Variants in ANAPC4 observed in about 807,000 individuals in gnomAD.
The protein encoded by ANAPC4 is anaphase promoting complex subunit 4, also known as anaphase-promoting complex subunit 4.
Under a neutral mutation model 119.8 loss-of-function variants are expected in ANAPC4, and 63 were observed. The ratio of observed to expected loss-of-function variants is 0.53; its 90% CI spans 0.43 to 0.65. ANAPC4 has a LOEUF of 0.65. Ranked by LOEUF, ANAPC4 falls within the 30% of genes least tolerant of loss-of-function variation. ANAPC4 has a pLI of 0.00. For missense variants in ANAPC4, 716 were observed against 945.1 expected (o/e 0.76, Z 3.18); for synonymous variants, 283 against 318.6 (o/e 0.89, Z 1.19).
In ANAPC4 at chr4:25,389,598, G is replaced by A. The variant is rs1043924111; in HGVS notation, c.516-538G>A. Among the ~76,000 whole-genome samples, 4 of 152,146 alleles carry A rather than the reference G, an allele frequency of 2.6e-5. 1 individual carries two copies. The highest frequency in any genetic ancestry group is 3.9e-4 in the East Asian group (2 of 5,192). On this transcript the variant is annotated intron_variant, in intron 7 of 28. Transcript: ENST00000315368. Reference sequence around the variant, plus strand: ...ATGAGCCACCGCACCTGGCCTTATCGTTGACATTAATACCTTCAAACAATA... The same window carrying A: ...ATGAGCCACCGCACCTGGCCTTATCATTGACATTAATACCTTCAAACAATA...
At chr4:25,404,615 T>C (rs902340058) in intron 17 of ANAPC4, among the ~76,000 whole-genome samples, 6 of 152,088 alleles carry the variant, frequency 3.9e-5, no homozygotes, top group Non-Finnish European at 5.9e-5. Flanking sequence ...GGTACTCTTA[T>C]TCAGGATTAG....
intron 4 of ANAPC4, among the ~76,000 whole-genome samples, chr4:25,388,042 T>A (rs900935950): frequency 6.6e-6 from 1 of 152,140 alleles, no homozygotes; most frequent in African/African-American, 2.4e-5. Context: ...GGCAGGATGA[T>A]GGCTTTAGCT....
rs907560423 is a variant in ANAPC4 at position 25,394,300 on chromosome 4, T to C, written c.877-10T>C. 6.3e-7 allele frequency: 1 copy of C among 1,575,170 alleles called. No individual in the cohort carries two copies. Reference sequence around the variant, plus strand: ...ACATATATCACAATTTTTTTTTCACTTTTTTCCAGGAAAAGAACACAACCA... The same window carrying C: ...ACATATATCACAATTTTTTTTTCACCTTTTTCCAGGAAAAGAACACAACCA... On this transcript the variant is annotated splice_polypyrimidine_tract_variant and intron_variant, in intron 11 of 28. Transcript: ENST00000315368.
At chr4:25,385,030 C>T (rs1326599771) in intron 4 of ANAPC4, among the ~76,000 whole-genome samples, 1 of 152,118 alleles carries the variant, frequency 6.6e-6, no homozygotes, top group African/African-American at 2.4e-5. Context: ...AACAGATATG[C>T]TGTCATTTAG....
chr4:25,402,050 G>A (rs1217331611), intron 16 of ANAPC4, among the ~76,000 whole-genome samples: 3 of 152,224 alleles, frequency 2.0e-5, no homozygotes, highest in Non-Finnish European at 4.4e-5. Flanking sequence ...GCATTTTGAT[G>A]TTGGTCTGGT....
Position 25,414,427 on chromosome 4 carries a change from A to G in ANAPC4, c.1686-39A>G, listed in dbSNP as rs776766360. ...ATTGGATGGTGTAATTCCGCAGCCA[A>G]TTTAAATTTTTCTCATTTCTTTTTC... On this transcript the variant is annotated intron_variant, in intron 23 of 28. Transcript: ENST00000315368. 9.4e-6 allele frequency: 15 copies of G among 1,597,560 alleles called. 2 individuals are homozygous for G. The highest frequency in any genetic ancestry group is 7.8e-5 in the South Asian group (7 of 89,240).
chr4:25,409,931 G>C (rs1723471777), intron 21 of ANAPC4, 140 bp downstream of exon 21: 4 of 600,652 alleles, frequency 6.7e-6, no homozygotes, highest in African/African-American at 1.9e-5. Flanking sequence ...TTGATTATAG[G>C]AACAGCAAAA....
In ANAPC4 at chr4:25,402,958, T is replaced by G; in HGVS notation, c.1215-13T>G. On this transcript the variant is annotated splice_polypyrimidine_tract_variant and intron_variant, in intron 16 of 28. Transcript: ENST00000315368. ...CTAATCTTATTTCTGATTTTTTGTT[T>G]TTATCTCTTTAGAGTTATAGATAGT... The G allele has an allele frequency of 6.6e-7, 1 of 1,518,794 alleles. No homozygotes were observed. The highest frequency in any genetic ancestry group is 9.0e-7 in the Non-Finnish European group (1 of 1,108,546). The allele number at this position is 1,518,794 out of a possible 1,614,324, so 94.1% of individuals were successfully genotyped here.
In ANAPC4 at chr4:25,394,327, A is replaced by C. The variant is rs763266816; in HGVS notation, c.894A>C (p.Thr298=). ...TKFVQEKNTT[T]SVQDEFMHLL... ...TTTTCCAGGAAAAGAACACAACCAC[A>C]TCAGTGCAAGATGAGTTCATGCACT... The change falls in exon 12 of 29, where the codon ACA becomes ACC. Residue 298 remains threonine (T), a synonymous_variant. Transcript: ENST00000315368. 1 of 1,586,914 alleles carries C rather than the reference A, an allele frequency of 6.3e-7. No individual in the cohort carries two copies. The highest frequency in any genetic ancestry group is 1.2e-5 in the South Asian group (1 of 84,658).
chr4:25,378,992 G>A (rs1414035307), intron 2 of ANAPC4, among the ~76,000 whole-genome samples: 5 of 152,012 alleles, frequency 3.3e-5, no homozygotes, highest in Non-Finnish European at 7.4e-5. Context: ...GGGAAGTGAA[G>A]GCATGTGTGG....
intron 16 of ANAPC4, among the ~76,000 whole-genome samples, chr4:25,400,842 G>A (rs1226684387): frequency 2.6e-5 from 4 of 152,034 alleles, no homozygotes; most frequent in Non-Finnish European, 5.9e-5. Context: ...GAAGGTGGGG[G>A]CCCTGGAGAG....
At position 25,414,352 on chromosome 4, in the gene ANAPC4, C is replaced by T; in HGVS notation, c.1652C>T (p.Ala551Val). The change falls in exon 23 of 29, where the codon GCA (alanine) becomes GTA (valine). Residue 551 changes from alanine to valine, a missense_variant. Physicochemically the swap from Ala to Val is moderately conservative, Grantham distance 64. Coordinates refer to ENST00000315368, the MANE Select transcript of ANAPC4 (RefSeq NM_013367.3). ...GTAATTGGAAAATCGATGAATCAAG[C>T]AATCTGTATTCCATTGTATAGAGAT... ...ADVIGKSMNQAICIPLYRDTR... is the reference protein window; with the variant it reads ...ADVIGKSMNQVICIPLYRDTR... The T allele has an allele frequency of 6.3e-7, 1 of 1,599,026 alleles. No individual in the cohort carries two copies. The highest frequency in any genetic ancestry group is 1.7e-4 in the Middle Eastern group (1 of 5,954).
At chr4:25,394,987 C>T (rs1025906874) in intron 14 of ANAPC4, 82 bp downstream of exon 14, 1 of 1,079,056 alleles carries the variant, frequency 9.3e-7, no homozygotes. Context: ...TTTTCTTCAT[C>T]TGGCATTCTC....
intron 21 of ANAPC4, among the ~76,000 whole-genome samples, chr4:25,410,810 A>G (rs76257291): frequency 0.034 from 5,212 of 152,304 alleles, 300 homozygotes; most frequent in African/African-American, 0.12. Flanking sequence ...AATATATTGT[A>G]TAAGATGTAC....
chr4:25,394,035 T>A, intron 11 of ANAPC4, 144 bp downstream of exon 11: 1 of 751,612 alleles, frequency 1.3e-6, no homozygotes, highest in Non-Finnish European at 2.1e-6. Flanking sequence ...GACTTCAAAC[T>A]GCTTCCTCAG....
Position 25,414,358 on chromosome 4 carries a change from G to A in ANAPC4, c.1658G>A (p.Cys553Tyr), listed in dbSNP as rs748565993. The A allele has an allele frequency of 1.2e-6, 2 of 1,601,006 alleles. No homozygotes were observed. Among genetic ancestry groups the A allele is most frequent in the Admixed American group, 1.7e-5 (1 of 59,226 alleles). ...GGAAAATCGATGAATCAAGCAATCT[G>A]TATTCCATTGTATAGAGATACCAGA... ...VIGKSMNQAI[C>Y]IPLYRDTRSE... is the part of the protein sequence containing the mutation. The change falls in exon 23 of 29, where the codon TGT becomes TAT. Residue 553 changes from cysteine (C) to tyrosine (Y), a missense_variant. Around this residue, in one of 3 missense-constraint regions of ANAPC4, gnomAD observed 504 missense variants for 615.8 expected, o/e 0.82. Coordinates refer to ENST00000315368, the MANE Select transcript of ANAPC4 (RefSeq NM_013367.3).
intron 2 of ANAPC4, among the ~76,000 whole-genome samples, chr4:25,379,145 C>A (rs541011217): frequency 1.3e-4 from 20 of 152,162 alleles, no homozygotes; most frequent in Admixed American, 1.2e-3. Flanking sequence ...ATTTTGGTGG[C>A]CCTGCAGTTG....
chr4:25,396,715 A>T lies in ANAPC4; in HGVS notation c.1113A>T (p.Ser371=), dbSNP rs775620884. ...YHLSELKGMA[S]WKQKYEPLGL... is the part of the protein sequence containing the mutation. ...TGAGTGAATTGAAAGGAATGGCTTC[A>T]TGGAAGCAAAAATATGAACCTCTTG... is the stretch of plus-strand genomic sequence containing the variant. The change falls in exon 15 of 29, where the codon TCA becomes TCT. Residue 371 remains serine, a synonymous_variant. Coordinates refer to ENST00000315368, the MANE Select transcript of ANAPC4 (RefSeq NM_013367.3). 2.5e-6 allele frequency: 4 copies of T among 1,613,752 alleles called. No homozygotes were observed. In the Admixed American group the frequency reaches 6.7e-5, roughly 27 times the overall value.
rs763969481 is a variant in ANAPC4, at chr4:25,377,487, G to T, written c.60G>T (p.Pro20=). ...GGGTGGTGGGAGAGAAGCAGCTCCC[G>T]CAGGAGATTATTTTCCTGGTCTGGT... ...SFRVVGEKQL[P]QEIIFLVWSP... Residue 20 remains proline, a synonymous_variant, in exon 2 of 29, where the codon CCG becomes CCT. Coordinates refer to ENST00000315368, the MANE Select transcript of ANAPC4 (RefSeq NM_013367.3). The T allele has an allele frequency of 1.8e-5, 29 of 1,613,912 alleles. No individual in the cohort carries two copies. Among genetic ancestry groups the T allele is most frequent in the Non-Finnish European group, 2.0e-5 (24 of 1,179,992 alleles).
Sources: gnomAD v4.1 joint callset for allele counts (sites outside exome capture counted in the v4.1 genomes callset) on GRCh38, gnomAD v4.1.1 for gene constraint, gnomAD v4.1.1 regional missense constraint, MANE v1.5 for transcripts, NCBI Gene and HGNC (gene_info 2026-07-23, HGNC 2026-07-21) for gene names.